Variants in CAST observed in about 807,000 individuals in gnomAD.
CAST encodes MIR583 host.
CAST carries 76 observed loss-of-function variants against 119.6 expected under a neutral mutation model. The ratio of observed to expected loss-of-function variants is 0.64; its 90% CI spans 0.53 to 0.77. CAST has a LOEUF of 0.77. Ranked by LOEUF, CAST falls within the 30% of genes least tolerant of loss-of-function variation. The pLI, the probability that CAST is intolerant of heterozygous loss-of-function variation, is 0.00. For missense variants in CAST, 953 were observed against 946.5 expected (o/e 1.01, Z -0.09); for synonymous variants, 319 against 331.6 (o/e 0.96, Z 0.41).
At chr5:96,432,111 C>T in the CAST span, 1 of 1,535,454 alleles carries the variant, frequency 6.5e-7, no homozygotes, top group Non-Finnish European at 8.7e-7. Flanking sequence ...AGAAATAGAT[C>T]CCTTCCCCAT....
chr5:96,653,813 AAAATAAAT>A (rs1209954294), intron 1 of CAST, among the ~76,000 whole-genome samples: 1 of 152,134 alleles, frequency 6.6e-6, no homozygotes, highest in Non-Finnish European at 1.5e-5. Context: ...ACTGAAAAGC[AAAATAAAT>A]AAATAAATAA....
At chr5:96,631,030 A>G (rs1379651281) in intron 1 of CAST, 1 of 140,756 alleles carries the variant, frequency 7.1e-6, no homozygotes, top group Non-Finnish European at 1.6e-5. Flanking sequence ...TCCTTCAGCT[A>G]GAATATATTT....
chr5:96,093,844 G>A, the CAST span, among the ~76,000 whole-genome samples: 1 of 152,194 alleles, frequency 6.6e-6, no homozygotes, highest in East Asian at 1.9e-4. Flanking sequence ...ATTGAGAGAA[G>A]AAACTATTCA....
rs190657538 is a variant in CAST at position 96,770,274 on chromosome 5, G to T, written c.2269-257G>T. On this transcript the variant is annotated intron_variant, in intron 29 of 31. Transcript: ENST00000675179. ...GTTTTGATTAGCAAAATAAGGTCTG[G>T]GTGAGTCAGGCACCACGGGAATTAG... 4.8e-3 allele frequency: 2,199 copies of T among 453,496 alleles called. 45 individuals are homozygous for T. The highest frequency in any genetic ancestry group is 0.033 in the Admixed American group (974 of 29,836). The allele number at this position is 453,496 out of a possible 1,614,324, so 28.1% of individuals were successfully genotyped here.
At chr5:96,612,624 G>A (rs150142264) in intron 1 of CAST, among the ~76,000 whole-genome samples, 167 of 152,118 alleles carry the variant, frequency 1.1e-3, no homozygotes, top group African/African-American at 3.7e-3. Context: ...CACTTGTACC[G>A]GTTTAAAGAA....
chr5:96,481,831 T>A, the CAST span, among the ~76,000 whole-genome samples: 2 of 152,180 alleles, frequency 1.3e-5, no homozygotes, highest in African/African-American at 4.8e-5. Context: ...TTAAAAAAGT[T>A]GCTTACTCAT....
chr5:95,980,856 C>A, the CAST span, among the ~76,000 whole-genome samples: 5 of 152,224 alleles, frequency 3.3e-5, no homozygotes, highest in Non-Finnish European at 7.4e-5. Flanking sequence ...GTAGTGCCAC[C>A]TCTATGCCAA....
the CAST span, among the ~76,000 whole-genome samples, chr5:96,325,704 T>G: frequency 6.6e-6 from 1 of 152,232 alleles, no homozygotes; most frequent in South Asian, 2.1e-4. Flanking sequence ...GGTCTCAAAC[T>G]CCTAAGCTCA....
chr5:96,762,238 A>C lies in CAST; in HGVS notation c.1834-36A>C, dbSNP rs77356446. 818 of 1,377,818 alleles carry C rather than the reference A, an allele frequency of 5.9e-4. 7 individuals are homozygous for C. The African/African-American group carries it at 0.011, about 19-fold the overall frequency. The allele number at this position is 1,377,818 out of a possible 1,614,324, so 85.3% of individuals were successfully genotyped here. On this transcript the variant is annotated intron_variant, in intron 24 of 31. Transcript: ENST00000675179. ...TGGCATTGTGCTCATAATTTTATAT[A>C]CAACATGTTACTAATAAAATTTTTT...
At chr5:96,624,960 TG>T (rs2150200387) in intron 1 of CAST, among the ~76,000 whole-genome samples, 1 of 152,356 alleles carries the variant, frequency 6.6e-6, no homozygotes, top group South Asian at 2.1e-4. Context: ...TTGGCATTGT[TG>T]CTATTTGTTG....
At chr5:96,367,426 A>T in the CAST span, among the ~76,000 whole-genome samples, 1 of 152,176 alleles carries the variant, frequency 6.6e-6, no homozygotes, top group Non-Finnish European at 1.5e-5. Flanking sequence ...CCAGAGGTGG[A>T]GTCTACAGAG....
chr5:96,070,879 C>T, the CAST span, among the ~76,000 whole-genome samples: 11 of 152,228 alleles, frequency 7.2e-5, no homozygotes, highest in East Asian at 7.7e-4. Flanking sequence ...GAGGAATGCT[C>T]GCCCAAGGAC....
the CAST span, among the ~76,000 whole-genome samples, chr5:96,342,563 A>G: frequency 6.6e-6 from 1 of 152,210 alleles, no homozygotes; most frequent in Non-Finnish European, 1.5e-5. Context: ...AGCCAGGTCC[A>G]TATTTCAGGT....
intron 20 of CAST, among the ~76,000 whole-genome samples, chr5:96,753,534 G>A (rs1292250505): frequency 6.6e-6 from 1 of 152,180 alleles, no homozygotes; most frequent in East Asian, 1.9e-4. Flanking sequence ...ATTCAGGTTA[G>A]TTGGTCACAG....
the CAST span, among the ~76,000 whole-genome samples, chr5:96,395,891 A>G: frequency 1.3e-5 from 2 of 152,254 alleles, no homozygotes; most frequent in Non-Finnish European, 2.9e-5. Context: ...TTGGGGGAAT[A>G]GTCATAATTT....
At chr5:96,407,324 G>T in the CAST span, among the ~76,000 whole-genome samples, 2 of 152,114 alleles carry the variant, frequency 1.3e-5, no homozygotes, top group South Asian at 4.1e-4. Flanking sequence ...AACCCCAGAA[G>T]ACAAAGAGCT....
chr5:96,013,923 C>T, the CAST span, among the ~76,000 whole-genome samples: 6 of 151,958 alleles, frequency 3.9e-5, no homozygotes, highest in African/African-American at 1.4e-4. Context: ...CTATTGTAGA[C>T]TTTACAAACA....
At chr5:96,055,961 C>A in the CAST span, among the ~76,000 whole-genome samples, 17 of 152,106 alleles carry the variant, frequency 1.1e-4, no homozygotes, top group Middle Eastern at 3.4e-3. Context: ...AAAAACCCAG[C>A]CAGTTATGTT....
chr5:96,191,470 T>C, the CAST span, among the ~76,000 whole-genome samples: 1 of 152,234 alleles, frequency 6.6e-6, no homozygotes, highest in Non-Finnish European at 1.5e-5. Context: ...AAAGGTTAAA[T>C]GACTCATAAG....
Sources: gnomAD v4.1 joint callset for allele counts (sites outside exome capture counted in the v4.1 genomes callset) on GRCh38, gnomAD v4.1.1 for gene constraint, MANE v1.5 for transcripts, NCBI Gene and HGNC (gene_info 2026-07-23, HGNC 2026-07-21) for gene names.